The following DNM3 variants were observed in gnomAD, a reference collection of about 807,000 sequenced individuals.
DNM3 encodes the protein dynamin 3.
DNM3 carries 47 observed loss-of-function variants against 101.6 expected under a neutral mutation model. The observed-to-expected ratio is 0.46, with a 90% CI of 0.37 to 0.59. The LOEUF is 0.59. Among genes scored for constraint, DNM3 ranks in the 20% least tolerant of loss-of-function variants. The pLI is 0.00. For missense variants in DNM3, 849 were observed against 1,085.7 expected, an observed-to-expected ratio of 0.78 and a Z score of 3.06; for synonymous variants, 385 against 387.9, an observed-to-expected ratio of 0.99 and a Z score of 0.09.
chr1:172,296,914 G>A (rs900018161), intron 15 of DNM3, among the ~76,000 whole-genome samples: 34 of 152,096 alleles, frequency 2.2e-4, no homozygotes, highest in East Asian at 1.9e-4. Flanking sequence ...AGGCCAAGGC[G>A]GACTGATCAC....
At chr1:172,098,552 C>G (rs59097465) in intron 13 of DNM3, among the ~76,000 whole-genome samples, 1 of 152,112 alleles carries the variant, frequency 6.6e-6, no homozygotes, top group Non-Finnish European at 1.5e-5. Context: ...TCCTCCTCAG[C>G]TTACGAAGAT....
chr1:172,374,683 A>G (rs1459615922), intron 17 of DNM3, among the ~76,000 whole-genome samples: 2 of 152,092 alleles, frequency 1.3e-5, no homozygotes, highest in African/African-American at 2.4e-5. Flanking sequence ...TTTGCTATGT[A>G]GTTTATTATG....
intron 13 of DNM3, among the ~76,000 whole-genome samples, chr1:172,130,274 A>T (rs1307925848): frequency 6.6e-6 from 1 of 152,160 alleles, no homozygotes. Context: ...ATCCAATTGC[A>T]TTTAGCATTT....
chr1:171,895,284 T>C (rs2037681486), intron 1 of DNM3, among the ~76,000 whole-genome samples: 1 of 152,262 alleles, frequency 6.6e-6, no homozygotes, highest in Non-Finnish European at 1.5e-5. Flanking sequence ...TTCTCCACAT[T>C]CTCTCCAGCA....
In DNM3 at chr1:172,044,512, A is replaced by G. The variant is rs2295609; in HGVS notation, c.1196+60A>G. Reference sequence around the variant, plus strand: ...AGCTACCAAAAGAAAATTAATGTTTATAAATGGCTAGGAAACTCGTCTTTT... The same window carrying G: ...AGCTACCAAAAGAAAATTAATGTTTGTAAATGGCTAGGAAACTCGTCTTTT... On this transcript the variant is annotated intron_variant, in intron 9 of 20. Coordinates refer to ENST00000627582, the MANE Select transcript of DNM3 (RefSeq NM_015569.5). The G allele has an allele frequency of 3.1e-4, 434 of 1,411,552 alleles. 1 individual carries two copies. The East Asian group carries it at 0.01, about 33-fold the overall frequency. 87.4% of individuals were successfully genotyped at this position (1,411,552 alleles called of 1,614,324 possible).
intron 13 of DNM3, among the ~76,000 whole-genome samples, chr1:172,120,955 A>C (rs1029639592): frequency 6.6e-6 from 1 of 152,200 alleles, no homozygotes; most frequent in Non-Finnish European, 1.5e-5. Context: ...TCGTTAATAA[A>C]TATTTACTAA....
intron 4 of DNM3, among the ~76,000 whole-genome samples, chr1:172,024,264 A>G (rs187197417): frequency 8.9e-4 from 136 of 152,310 alleles, no homozygotes; most frequent in African/African-American, 3.0e-3. Context: ...AATATCCTTC[A>G]GAGAATAGAA....
intron 18 of DNM3, among the ~76,000 whole-genome samples, chr1:172,381,923 T>C (rs1223399322): frequency 6.6e-6 from 1 of 152,188 alleles, no homozygotes; most frequent in Non-Finnish European, 1.5e-5. Context: ...GTTCTGGCCT[T>C]TCCTCTTTGA....
At chr1:172,394,077 C>G (rs1188394237) in intron 20 of DNM3, 1 of 152,202 alleles carries the variant, frequency 6.6e-6, no homozygotes, top group African/African-American at 2.4e-5. Flanking sequence ...CACCATGATT[C>G]TGGCTATAAC....
chr1:171,884,649 G>A (rs2036605945), intron 1 of DNM3, among the ~76,000 whole-genome samples: 1 of 152,182 alleles, frequency 6.6e-6, no homozygotes, highest in Admixed American at 6.5e-5. Context: ...TCATATGGTT[G>A]GCTGGGGGCT....
chr1:172,297,076 G>A (rs1192886630), intron 15 of DNM3, among the ~76,000 whole-genome samples: 1 of 150,526 alleles, frequency 6.6e-6, no homozygotes, highest in Admixed American at 6.6e-5. Context: ...CTGGGAGGCG[G>A]AGGCTCCAGT....
intron 2 of DNM3, among the ~76,000 whole-genome samples, chr1:171,982,531 A>T (rs1198413801): frequency 6.6e-6 from 1 of 151,966 alleles, no homozygotes; most frequent in South Asian, 2.1e-4. Context: ...TTCCTGCCCT[A>T]TCGGTTTTCC....
At chr1:171,881,677 A>T (rs1406467118) in intron 1 of DNM3, among the ~76,000 whole-genome samples, 1 of 152,204 alleles carries the variant, frequency 6.6e-6, no homozygotes, top group East Asian at 1.9e-4. Flanking sequence ...CTCTCGGTAC[A>T]GTATAGATAT....
chr1:172,038,413 A>C lies in DNM3; in HGVS notation c.944A>C (p.Lys315Thr), dbSNP rs758244650. 2.0e-5 allele frequency: 33 copies of C among 1,613,476 alleles called. 1 individual carries two copies. The South Asian group carries it at 3.4e-4, about 17-fold the overall frequency. The change falls in exon 7 of 21, where the codon AAA becomes ACA. Residue 315 changes from lysine to threonine, a missense_variant. Physicochemically the swap from Lys to Thr is moderately conservative, Grantham distance 78 (BLOSUM62 -1). This residue lies in a region of DNM3 where 388 missense variants were observed against 483.0 expected (regional missense o/e 0.80). Coordinates refer to ENST00000627582, the MANE Select transcript of DNM3 (RefSeq NM_015569.5). ...LSIEHEVEAY[K>T]NFKPEDPTRK... ...ATAGAACATGAAGTAGAAGCCTACA[A>C]AAATTTCAAACCAGAAGACCCAACA...
At chr1:171,897,471 C>T (rs868410198) in intron 1 of DNM3, among the ~76,000 whole-genome samples, 44 of 152,234 alleles carry the variant, frequency 2.9e-4, no homozygotes, top group Non-Finnish European at 4.6e-4. Context: ...CAAGGATAGA[C>T]CTTTAATGAG....
intron 15 of DNM3, among the ~76,000 whole-genome samples, chr1:172,267,953 T>C (rs560841341): frequency 2.6e-5 from 4 of 152,194 alleles, no homozygotes; most frequent in East Asian, 3.9e-4. Context: ...ACCTCGTGAT[T>C]CACCCACCTT....
At chr1:172,218,426 A>AT (rs1428379824) in intron 14 of DNM3, among the ~76,000 whole-genome samples, 2 of 152,062 alleles carry the variant, frequency 1.3e-5, no homozygotes, top group Non-Finnish European at 2.9e-5. Flanking sequence ...GGACTGAGGA[A>AT]TTGAGGTAAT....
At chr1:171,950,096 A>G (rs61805813) in intron 2 of DNM3, among the ~76,000 whole-genome samples, 23,508 of 151,656 alleles carry the variant, frequency 0.16, 2,400 homozygotes, top group South Asian at 0.26. Context: ...TATGTGCTCA[A>G]TGGCTGGGGG....
intron 1 of DNM3, among the ~76,000 whole-genome samples, chr1:171,877,479 G>A (rs377709908): frequency 2.0e-5 from 3 of 152,062 alleles, no homozygotes; most frequent in Admixed American, 6.6e-5. Flanking sequence ...GTTGAACTTC[G>A]ATGGAAGTCA....
Sources: allele counts gnomAD v4.1 joint callset (sites outside exome capture counted in the v4.1 genomes callset), GRCh38; gene constraint gnomAD v4.1.1; regional missense constraint gnomAD v4.1.1; transcripts MANE v1.5; gene names NCBI Gene and HGNC (gene_info 2026-07-23, HGNC 2026-07-21).